The following CASZ1 variants were observed in gnomAD, a reference collection of about 807,000 sequenced individuals.
CASZ1 encodes the protein zinc finger protein castor homolog 1.
Under a neutral mutation model 135.2 loss-of-function variants are expected in CASZ1, and 28 were observed. The ratio of observed to expected loss-of-function variants is 0.21; its 90% CI spans 0.15 to 0.28. CASZ1 has a LOEUF of 0.28. CASZ1 is among the 10% of genes least tolerant of loss of function. The pLI is 1.00. For synonymous variants in CASZ1, 1,068 were observed against 1,073.4 expected, an observed-to-expected ratio of 0.99 and a Z score of 0.10; for missense variants, 2,161 against 2,453.3, an observed-to-expected ratio of 0.88 and a Z score of 2.52.
intron 3 of CASZ1, among the ~76,000 whole-genome samples, chr1:10,695,665 G>C: frequency 6.7e-6 from 1 of 150,296 alleles, no homozygotes; most frequent in Non-Finnish European, 1.5e-5. Flanking sequence ...TGGCCAGCCA[G>C]GCGCTTTGTG....
chr1:10,709,712 C>T lies in CASZ1; in HGVS notation c.-76-4168G>A, dbSNP rs1639248293. Among the ~76,000 whole-genome samples the T allele has an allele frequency of 6.6e-6, 1 of 152,162 alleles. No individual in the cohort carries two copies. Among genetic ancestry groups the T allele is most frequent in the Non-Finnish European group, 1.5e-5 (1 of 68,024 alleles). On this transcript the variant is annotated intron_variant, in intron 2 of 20. Coordinates refer to ENST00000377022, the MANE Select transcript of CASZ1 (RefSeq NM_001079843.3). The surrounding 1 kb of genome is among the most constrained non-coding windows in gnomAD (Gnocchi z 5.1). ...AGGACGGCTGGGGAGAGAAAGGCCC[C>T]AGGCAGGGGCTGAGCAGTGCCCCGG... is the stretch of plus-strand genomic sequence containing the variant.
At chr1:10,714,081 T>G (rs1570514137) in intron 2 of CASZ1, among the ~76,000 whole-genome samples, 1 of 152,108 alleles carries the variant, frequency 6.6e-6, no homozygotes, top group South Asian at 2.1e-4. Context: ...CTGAGGCAGG[T>G]GGATCACCTG....
At position 10,726,446 on chromosome 1, in the gene CASZ1, G is replaced by A. The variant is rs560943142; in HGVS notation, c.-76-20902C>T. Among the ~76,000 whole-genome samples, 11 of 152,344 alleles carry A rather than the reference G, an allele frequency of 7.2e-5. No individual in the cohort carries two copies. The highest frequency in any genetic ancestry group is 1.9e-4 in the African/African-American group (8 of 41,598). On this transcript the variant is annotated intron_variant, in intron 2 of 20. Coordinates refer to ENST00000377022, the MANE Select transcript of CASZ1 (RefSeq NM_001079843.3). The surrounding 1 kb of genome is among the most constrained non-coding windows in gnomAD (Gnocchi z 5.7). ...CATCACAGTCCTCCTGGCTGGAGCC[G>A]GAGGGAGGAGGAGGGCGGTGTAGTC...
chr1:10,767,474 G>T lies in CASZ1; in HGVS notation c.-233-6617C>A, dbSNP rs1281911616. On this transcript the variant is annotated intron_variant, in intron 1 of 20. Transcript: ENST00000377022. The surrounding 1 kb of genome is among the most constrained non-coding windows in gnomAD (Gnocchi z 4.2). ...CAGGGCGGGGGCGATGGGAGCACAG[G>T]CTTCCCCTATTGCAAAGCCAGGCCC... Among the ~76,000 whole-genome samples the T allele has an allele frequency of 2.0e-5, 3 of 152,166 alleles. No individual in the cohort carries two copies. The highest frequency in any genetic ancestry group is 2.9e-5 in the Non-Finnish European group (2 of 68,022).
At chr1:10,660,587 A>T in intron 5 of CASZ1, 51 bp from the exon 6 acceptor site, 1 of 1,521,184 alleles carries the variant, frequency 6.6e-7, no homozygotes, top group Non-Finnish European at 8.9e-7. Flanking sequence ...TGGGAGGGAC[A>T]GGAGGTCCCC....
intron 4 of CASZ1, among the ~76,000 whole-genome samples, chr1:10,692,611 A>C (rs1384042633): frequency 6.6e-6 from 1 of 152,182 alleles, no homozygotes; most frequent in Non-Finnish European, 1.5e-5. Context: ...ACGTCAGACC[A>C]GCCAAGATCA....
chr1:10,668,011 C>T (rs1643289011), intron 4 of CASZ1, among the ~76,000 whole-genome samples: 1 of 152,206 alleles, frequency 6.6e-6, no homozygotes, highest in Admixed American at 6.5e-5. Context: ...GCCGCGCTGC[C>T]CCAGCCCACC....
At chr1:10,682,885 G>T (rs1265756779) in intron 4 of CASZ1, among the ~76,000 whole-genome samples, 1 of 152,232 alleles carries the variant, frequency 6.6e-6, no homozygotes, top group Non-Finnish European at 1.5e-5. Flanking sequence ...TGCGTGGTGC[G>T]CTTGGTGTGG....
intron 13 of CASZ1, chr1:10,649,649 G>A: frequency 1.7e-6 from 1 of 575,668 alleles, no homozygotes; most frequent in Non-Finnish European, 3.0e-6. Flanking sequence ...GAGCTGCGAG[G>A]CCTCCTCAGG....
At position 10,741,483 on chromosome 1, in the gene CASZ1, G is replaced by A. The variant is rs1639921334; in HGVS notation, c.-77+19218C>T. Among the ~76,000 whole-genome samples the A allele has an allele frequency of 6.6e-6, 1 of 152,164 alleles. No homozygotes were observed. Among genetic ancestry groups the A allele is most frequent in the Admixed American group, 6.5e-5 (1 of 15,282 alleles). On this transcript the variant is annotated intron_variant, in intron 2 of 20. Transcript: ENST00000377022. This position sits in a 1 kb window ranked among gnomAD's most constrained non-coding sequence, Gnocchi z 5.0. Reference sequence around the variant, plus strand: ...GCACACAGCTCTCCAGTAAAGATGAGCATGGGCAGGGCTGGCGTGATGAGG... The same window carrying A: ...GCACACAGCTCTCCAGTAAAGATGAACATGGGCAGGGCTGGCGTGATGAGG...
chr1:10,648,302 G>T (rs1010752048), intron 15 of CASZ1, 163 bp from the exon 16 acceptor site: 4 of 565,484 alleles, frequency 7.1e-6, no homozygotes, highest in Non-Finnish European at 1.2e-5. Flanking sequence ...CAGAAGGACT[G>T]GAGGGCAAAC....
intron 17 of CASZ1, 53 bp from the exon 18 acceptor site, chr1:10,645,141 T>G: frequency 1.3e-6 from 2 of 1,543,734 alleles, no homozygotes; most frequent in Non-Finnish European, 1.8e-6. Flanking sequence ...CAAGAGCTCC[T>G]GCCTGCCCCG....
chr1:10,639,281 G>T lies in CASZ1; in HGVS notation c.4941C>A (p.Gly1647=). ...CGGCGGCGTCGGGCGGGCCGGGGTC[G>T]CCCGCGTCGCCCAGCGCCAGGCCCA... ...AGLGLALGDA[G]DPGPPDAAAP... is the part of the protein sequence containing the mutation. The change falls in exon 21 of 21, where the codon GGC becomes GGA. Residue 1647 remains glycine (G), a synonymous_variant. Transcript: ENST00000377022. This position sits in a 1 kb window ranked among gnomAD's most constrained non-coding sequence, Gnocchi z 4.0. 3 of 1,151,622 alleles carry T rather than the reference G, an allele frequency of 2.6e-6. No individual in the cohort carries two copies. The highest frequency in any genetic ancestry group is 3.3e-5 in the African/African-American group (2 of 60,098). 71.3% of individuals were successfully genotyped at this position (1,151,622 alleles called of 1,614,324 possible). A position where few individuals can be genotyped will look rare whatever the true frequency, so the allele number is the denominator to read the frequency against.
rs1024837148 is a variant in CASZ1 at position 10,777,316 on chromosome 1, G to T, written c.-233-16459C>A. Among the ~76,000 whole-genome samples the T allele has an allele frequency of 3.3e-5, 5 of 152,142 alleles. No homozygotes were observed. The highest frequency in any genetic ancestry group is 1.2e-4 in the African/African-American group (5 of 41,420). On this transcript the variant is annotated intron_variant, in intron 1 of 20. Coordinates refer to ENST00000377022, the MANE Select transcript of CASZ1 (RefSeq NM_001079843.3). The surrounding 1 kb of genome is among the most constrained non-coding windows in gnomAD (Gnocchi z 4.4). ...ACCCCTATGAGGACCACGGAGAGGGGCGTCCGAGTCCTGGGCCAGGCCACC... is the reference window on the plus strand; with the variant it reads ...ACCCCTATGAGGACCACGGAGAGGGTCGTCCGAGTCCTGGGCCAGGCCACC...
rs562506393 is a variant in CASZ1 at position 10,738,620 on chromosome 1, C to G, written c.-77+22081G>C. ...CCTTCGACCCCATCCAAACCAGCTT[C>G]AGAGAGGCAGGGCCTCGACCCAACT... On this transcript the variant is annotated intron_variant, in intron 2 of 20. Coordinates refer to ENST00000377022, the MANE Select transcript of CASZ1 (RefSeq NM_001079843.3). Among the ~76,000 whole-genome samples the G allele has an allele frequency of 2.6e-5, 4 of 152,388 alleles. No individual in the cohort carries two copies. The South Asian group carries it at 6.2e-4, about 24-fold the overall frequency.
chr1:10,792,338 C>A (rs1217644356), intron 1 of CASZ1, among the ~76,000 whole-genome samples: 1 of 40,614 alleles, frequency 2.5e-5, no homozygotes, highest in Non-Finnish European at 7.0e-5. Flanking sequence ...CCCCCCCCCC[C>A]CCGGCCCCGC....
At chr1:10,718,994 C>A (rs1301352829) in intron 2 of CASZ1, among the ~76,000 whole-genome samples, 1 of 149,664 alleles carries the variant, frequency 6.7e-6, no homozygotes, top group Non-Finnish European at 1.5e-5. Context: ...CTCACTGCAA[C>A]CTCTGCTTTC....
intron 4 of CASZ1, 68 bp from the exon 5 acceptor site, chr1:10,665,639 C>T: frequency 6.9e-7 from 1 of 1,451,320 alleles, no homozygotes; most frequent in African/African-American, 1.4e-5. Flanking sequence ...CCCTCCCGAA[C>T]AGCCCTGCAT....
chr1:10,746,669 C>T (rs1229660962), intron 2 of CASZ1, among the ~76,000 whole-genome samples: 1 of 152,244 alleles, frequency 6.6e-6, no homozygotes, highest in African/African-American at 2.4e-5. Context: ...CCGGGACCTT[C>T]TCCTAGAGCC....
Sources: allele counts gnomAD v4.1 joint callset (sites outside exome capture counted in the v4.1 genomes callset), GRCh38; gene constraint gnomAD v4.1.1; non-coding constraint Gnocchi (gnomAD v3.1); transcripts MANE v1.5; gene names NCBI Gene and HGNC (gene_info 2026-07-23, HGNC 2026-07-21).